PDCD7: variants seen among roughly 807,000 people sequenced by gnomAD.
PDCD7 encodes programmed cell death protein 7.
A neutral mutation model predicts 42.1 loss-of-function variants in PDCD7; 40 were observed. The ratio of observed to expected loss-of-function variants is 0.95; its 90% CI spans 0.74 to 1.24. The LOEUF is 1.24. Ranked by LOEUF, PDCD7 falls within the 50% of genes most tolerant of loss-of-function variation. The probability of loss-of-function intolerance (pLI) is 0.00; values close to 1 mark genes in which losing one functional copy is unlikely to be tolerated. For missense variants in PDCD7, 644 were observed against 662.8 expected, an observed-to-expected ratio of 0.97 and a Z score of 0.31; for synonymous variants, 299 against 303.3, an observed-to-expected ratio of 0.99 and a Z score of 0.15.
chr15:65,129,082 C>T lies in PDCD7; in HGVS notation c.959G>A (p.Arg320Gln), dbSNP rs752218944. 3.6e-5 allele frequency: 58 copies of T among 1,613,874 alleles called. No individual in the cohort carries two copies. In the South Asian group the frequency reaches 5.4e-4, roughly 15 times the overall value. ...ADTKRMVDIL[R>Q]ALEKLRKLRK... is the part of the protein sequence containing the mutation. ...CAGTTTCCTCAATTTCTCCAAAGCC[C>T]GTAGAATGTCCACCATTCTTTTGGT... is the stretch of plus-strand genomic sequence containing the variant. The change falls in exon 2 of 5, where the codon CGG (arginine) becomes CAG (glutamine). Residue 320 changes from arginine (R) to glutamine (Q), a missense_variant. Transcript: ENST00000204549.
chr15:65,125,063 CCT>C (rs2087485243), intron 2 of PDCD7, among the ~76,000 whole-genome samples: 2 of 152,304 alleles, frequency 1.3e-5, no homozygotes, highest in South Asian at 2.1e-4. Flanking sequence ...AACCATTTAC[CCT>C]GTTTCCCAGA....
chr15:65,126,932 C>A (rs545625601), intron 2 of PDCD7, among the ~76,000 whole-genome samples: 1 of 152,098 alleles, frequency 6.6e-6, no homozygotes, highest in East Asian at 1.9e-4. Context: ...TCTCTCAATT[C>A]TTTGACTTGA....
Position 65,118,692 on chromosome 15 carries a change from G to A in PDCD7, c.*25C>T. ...TTTACAGCTGGAAAGAGCGCTGGCT[G>A]GACCACACTCCTGGAGCATCTTTAC... On this transcript the variant is annotated 3_prime_UTR_variant, in exon 5 of 5. Transcript: ENST00000204549. 2 of 1,577,164 alleles carry A rather than the reference G, an allele frequency of 1.3e-6. No homozygotes were observed. The highest frequency in any genetic ancestry group is 1.7e-6 in the Non-Finnish European group (2 of 1,161,582).
intron 2 of PDCD7, among the ~76,000 whole-genome samples, chr15:65,120,328 T>A (rs908304363): frequency 1.3e-5 from 2 of 151,938 alleles, no homozygotes; most frequent in East Asian, 3.9e-4. Context: ...ATTTTTTTTT[T>A]ATTTTTGTAG....
intron 2 of PDCD7, among the ~76,000 whole-genome samples, chr15:65,122,058 A>G (rs2087459179): frequency 6.6e-6 from 1 of 152,130 alleles, no homozygotes; most frequent in Non-Finnish European, 1.5e-5. Flanking sequence ...TACAGGGCCA[A>G]GCGTGGTGGC....
intron 1 of PDCD7, 45 bp from the exon 2 acceptor site, chr15:65,129,215 C>G (rs1230541184): frequency 6.2e-7 from 1 of 1,604,966 alleles, no homozygotes; most frequent in Admixed American, 1.7e-5. Context: ...TAGGAACAAA[C>G]TTACAGCAGA....
At position 65,130,508 on chromosome 15, in the gene PDCD7, T is replaced by C. The variant is rs554665771; in HGVS notation, c.871-1338A>G. 2.6e-5 allele frequency among the ~76,000 whole-genome samples: 4 copies of C among 152,280 alleles called. No homozygotes were observed. The South Asian group carries it at 8.3e-4, about 32-fold the overall frequency. ...AATAAATAAAATAAAAAGTTCACCATGGGTGGTGGAGAGAATCCTCTTGCC... is the reference window on the plus strand; with the variant it reads ...AATAAATAAAATAAAAAGTTCACCACGGGTGGTGGAGAGAATCCTCTTGCC... On this transcript the variant is annotated intron_variant, in intron 1 of 4. Coordinates refer to ENST00000204549, the MANE Select transcript of PDCD7 (RefSeq NM_005707.2).
Position 65,119,969 on chromosome 15 carries a change from C to A in PDCD7, c.1010-15G>T, listed in dbSNP as rs148778886. 2 of 1,586,332 alleles carry A rather than the reference C, an allele frequency of 1.3e-6. No individual in the cohort carries two copies. The highest frequency in any genetic ancestry group is 1.7e-6 in the Non-Finnish European group (2 of 1,171,692). On this transcript the variant is annotated splice_polypyrimidine_tract_variant and intron_variant, in intron 2 of 4. Transcript: ENST00000204549. The stretch of plus-strand genomic sequence containing the variant: ...AGGACAGACCCCTGGGCAGACAGGA[C>A]AAAATGGCATTTTATTTATTTTTTT...
intron 1 of PDCD7, among the ~76,000 whole-genome samples, chr15:65,131,307 T>C (rs1260854473): frequency 1.3e-5 from 2 of 152,226 alleles, no homozygotes; most frequent in Non-Finnish European, 2.9e-5. Context: ...GATGGGACTG[T>C]CTAGTTGCAG....
At chr15:65,128,384 G>A (rs2087512848) in intron 2 of PDCD7, among the ~76,000 whole-genome samples, 1 of 152,206 alleles carries the variant, frequency 6.6e-6, no homozygotes, top group Non-Finnish European at 1.5e-5. Flanking sequence ...CAGATGAACA[G>A]AATGACAACA....
intron 2 of PDCD7, among the ~76,000 whole-genome samples, chr15:65,124,953 T>C (rs1164498890): frequency 6.6e-6 from 1 of 152,152 alleles, no homozygotes; most frequent in Non-Finnish European, 1.5e-5. Flanking sequence ...CCTGCAACCA[T>C]CTTCCACAAG....
chr15:65,119,800 T>A lies in PDCD7; in HGVS notation c.1164A>T (p.Glu388Asp). ...TTTCTTTTCTTTGTTTCTTTTCTAATTCTCTTTTCCTCTCTTCCTCTTGTT... is the reference window on the plus strand; with the variant it reads ...TTTCTTTTCTTTGTTTCTTTTCTAAATCTCTTTTCCTCTCTTCCTCTTGTT... The part of the protein sequence containing the change: ...EGEQEEERKR[E>D]LEKKQRKEKE... The change falls in exon 3 of 5, where the codon GAA becomes GAT. Residue 388 changes from glutamate (E) to aspartate (D), a missense_variant. Coordinates refer to ENST00000204549, the MANE Select transcript of PDCD7 (RefSeq NM_005707.2). 1.2e-6 allele frequency: 2 copies of A among 1,613,166 alleles called. 1 individual carries two copies.
chr15:65,128,957 A>G (rs891542907), intron 2 of PDCD7, 75 bp downstream of exon 2: 3 of 1,520,014 alleles, frequency 2.0e-6, no homozygotes, highest in Admixed American at 1.9e-5. Flanking sequence ...TTTTCCCTCA[A>G]TAATATTTGG....
At chr15:65,132,487 T>C (rs983846924) in intron 1 of PDCD7, among the ~76,000 whole-genome samples, 2 of 151,976 alleles carry the variant, frequency 1.3e-5, no homozygotes, top group Non-Finnish European at 2.9e-5. Context: ...CCTGACCTCG[T>C]GATCCACCCG....
At chr15:65,124,347 C>T (rs908087482) in intron 2 of PDCD7, among the ~76,000 whole-genome samples, 46 of 151,920 alleles carry the variant, frequency 3.0e-4, no homozygotes, top group Non-Finnish European at 7.4e-5. Flanking sequence ...ATCGCTTGAA[C>T]CTGGGAGGTG....
intron 1 of PDCD7, among the ~76,000 whole-genome samples, chr15:65,130,037 T>G (rs1264838252): frequency 1.3e-5 from 2 of 149,276 alleles, no homozygotes; most frequent in African/African-American, 5.0e-5. Context: ...AGAGACGAGG[T>G]TTCTCCATGT....
rs2087564335 is a variant in PDCD7, at chr15:65,133,706, C to G, written c.76G>C (p.Gly26Arg). 1 of 1,289,558 alleles carries G rather than the reference C, an allele frequency of 7.8e-7. No individual in the cohort carries two copies. Among genetic ancestry groups the G allele is most frequent in the Non-Finnish European group, 9.9e-7 (1 of 1,012,334 alleles). The allele number at this position is 1,289,558 out of a possible 1,614,324, so 79.9% of individuals were successfully genotyped here. ...PPQPPPPAPF[G>R]CPPPPLPSPA... ...GAGGGCAGCGGCGGTGGCGGACAGC[C>G]GAAAGGAGCAGGAGGCGGCGGCTGC... is the stretch of plus-strand genomic sequence containing the variant. Residue 26 changes from glycine to arginine, a missense_variant, in exon 1 of 5, where the codon GGC becomes CGC. By Grantham distance (125) the Gly-to-Arg change is moderately radical. Transcript: ENST00000204549.
At chr15:65,130,388 C>A (rs2087530303) in intron 1 of PDCD7, among the ~76,000 whole-genome samples, 1 of 152,018 alleles carries the variant, frequency 6.6e-6, no homozygotes, top group South Asian at 2.1e-4. Flanking sequence ...GAACTCCTGA[C>A]CTCAGGTGAT....
At chr15:65,129,623 C>G (rs1006557240) in intron 1 of PDCD7, among the ~76,000 whole-genome samples, 2 of 152,200 alleles carry the variant, frequency 1.3e-5, no homozygotes, top group Non-Finnish European at 2.9e-5. Context: ...TTCCACTGCT[C>G]TAAAGTCCCA....
Sources: gnomAD v4.1 joint callset for allele counts (sites outside exome capture counted in the v4.1 genomes callset) on GRCh38, gnomAD v4.1.1 for gene constraint, MANE v1.5 for transcripts, NCBI Gene and HGNC (gene_info 2026-07-23, HGNC 2026-07-21) for gene names.